The following GCNT4 variants were observed in gnomAD, a reference collection of about 807,000 sequenced individuals.
The protein encoded by GCNT4 is glucosaminyl (N-acetyl) transferase 4.
Under a neutral mutation model 31.3 loss-of-function variants are expected in GCNT4, and 17 were observed. The observed-to-expected ratio is 0.54, with a 90% confidence interval of 0.37 to 0.81. The LOEUF is 0.81. GCNT4 is among the 40% of genes least tolerant of loss of function. GCNT4 has a pLI of 0.00. For synonymous variants in GCNT4, 158 were observed against 190.6 expected, an observed-to-expected ratio of 0.83 and a Z score of 1.41; for missense variants, 503 against 525.5, an observed-to-expected ratio of 0.96 and a Z score of 0.42.
intron 3 of GCNT4, among the ~76,000 whole-genome samples, chr5:75,039,284 G>A (rs1392196851): frequency 2.0e-5 from 3 of 152,048 alleles, no homozygotes; most frequent in Non-Finnish European, 4.4e-5. Context: ...GTCGAGACGG[G>A]GGTTTCACTA....
chr5:75,032,863 C>T (rs948785696), intron 3 of GCNT4, among the ~76,000 whole-genome samples: 1 of 116,354 alleles, frequency 8.6e-6, no homozygotes, highest in Non-Finnish European at 2.0e-5. Flanking sequence ...CTAATCAATC[C>T]CAAATAGGGG....
At chr5:75,053,001 C>A (rs111723833), upstream of GCNT4, among the ~76,000 whole-genome samples, 1 of 151,966 alleles carries the variant, frequency 6.6e-6, no homozygotes, top group African/African-American at 2.4e-5. Context: ...CGGGAAAGCC[C>A]GGCGCCGGCG....
Position 75,026,979 on chromosome 5 carries a change from A to G in GCNT4, c.*1697T>C, listed in dbSNP as rs1457964840. On this transcript the variant is annotated 3_prime_UTR_variant, in exon 4 of 4. Coordinates refer to ENST00000652361, the MANE Select transcript of GCNT4 (RefSeq NM_001366737.1). ...AGTTAGTATTATGAACTTTAAAATG[A>G]GCAAAGTGCATTTCACATTTAGAAC... is the stretch of plus-strand genomic sequence containing the variant. 6.6e-6 allele frequency: 1 copy of G among 152,078 alleles called. No individual in the cohort carries two copies. Among genetic ancestry groups the G allele is most frequent in the African/African-American group, 2.4e-5 (1 of 41,414 alleles). 9.4% of individuals were successfully genotyped at this position (152,078 alleles called of 1,614,324 possible). A position where few individuals can be genotyped will look rare whatever the true frequency, so the allele number is the denominator to read the frequency against.
chr5:75,054,052 ACGAGGAGTGTCCCACGCAGCCG>A (rs1300700820), upstream of GCNT4, among the ~76,000 whole-genome samples: 27 of 147,480 alleles, frequency 1.8e-4, no homozygotes, highest in Non-Finnish European at 3.4e-4. Context: ...CATGGGTGAG[ACGAGGAGTGTCCCACGCAGCCG>A]CGAGAAATAT....
At chr5:75,034,297 G>T (rs1743149521) in intron 3 of GCNT4, among the ~76,000 whole-genome samples, 1 of 152,222 alleles carries the variant, frequency 6.6e-6, no homozygotes, top group Non-Finnish European at 1.5e-5. Flanking sequence ...GCTCTGCAGG[G>T]GGTACACCCC....
chr5:75,040,052 C>CA (rs1743285716), intron 3 of GCNT4, among the ~76,000 whole-genome samples: 1 of 152,164 alleles, frequency 6.6e-6, no homozygotes, highest in South Asian at 2.1e-4. Context: ...GTTCCTAGAA[C>CA]ATCCTAGTCT....
downstream of GCNT4, among the ~76,000 whole-genome samples, chr5:75,020,793 TA>T (rs1272925106): frequency 1.3e-5 from 2 of 152,168 alleles, no homozygotes; most frequent in Non-Finnish European, 2.9e-5. Flanking sequence ...TATTAACAAG[TA>T]AAATAATTTG....
chr5:75,051,283 G>C (rs1442022741), intron 2 of GCNT4, among the ~76,000 whole-genome samples: 3 of 152,250 alleles, frequency 2.0e-5, no homozygotes, highest in Non-Finnish European at 4.4e-5. Context: ...CAGCACATCT[G>C]CGCCTCACAG....
chr5:75,041,424 T>A (rs1743316596), intron 3 of GCNT4, among the ~76,000 whole-genome samples: 1 of 152,228 alleles, frequency 6.6e-6, no homozygotes, highest in Non-Finnish European at 1.5e-5. Flanking sequence ...AACGTCATCA[T>A]CTTCCCTGAA....
At chr5:75,053,730 C>A (rs1024676642), upstream of GCNT4, among the ~76,000 whole-genome samples, 2 of 152,080 alleles carry the variant, frequency 1.3e-5, no homozygotes, top group African/African-American at 4.8e-5. Flanking sequence ...AGGAGCGCCT[C>A]CGCGCTCCCG....
rs148881849 is a variant in GCNT4 at position 75,043,115 on chromosome 5, G to A, written c.-2+4782C>T. Among the ~76,000 whole-genome samples, 12 of 152,288 alleles carry A rather than the reference G, an allele frequency of 7.9e-5. No homozygotes were observed. The East Asian group carries it at 1.2e-3, about 15-fold the overall frequency. ...TAAGTTAACAGGTCTTTCTCAATAC[G>A]TAGGTTTTATTTCAGGTTAATAAAA... On this transcript the variant is annotated intron_variant, in intron 3 of 3. Coordinates refer to ENST00000652361, the MANE Select transcript of GCNT4 (RefSeq NM_001366737.1).
At chr5:75,018,819 A>G in the GCNT4 span, among the ~76,000 whole-genome samples, 8 of 152,182 alleles carry the variant, frequency 5.3e-5, no homozygotes. Flanking sequence ...AGGAATGAAC[A>G]TTAGGAGTAA....
intron 3 of GCNT4, among the ~76,000 whole-genome samples, chr5:75,047,039 C>T (rs190566530): frequency 3.9e-5 from 6 of 152,324 alleles, no homozygotes; most frequent in Admixed American, 3.3e-4. Flanking sequence ...CAGTTAACTA[C>T]CCTAGCCCAG....
intron 2 of GCNT4, 62 bp from the exon 3 acceptor site, chr5:75,048,099 G>T (rs761797797): frequency 2.0e-5 from 3 of 152,198 alleles, no homozygotes; most frequent in Non-Finnish European, 2.9e-5. Flanking sequence ...TGCAAACAAT[G>T]ATTGCACTGA....
chr5:75,036,997 G>A (rs1743213645), intron 3 of GCNT4, among the ~76,000 whole-genome samples: 1 of 152,186 alleles, frequency 6.6e-6, no homozygotes, highest in Non-Finnish European at 1.5e-5. Context: ...CTTAAACTTT[G>A]TATTATTACA....
Position 75,029,326 on chromosome 5 carries a change from C to A in GCNT4, c.712G>T (p.Glu238Ter). The stretch of plus-strand genomic sequence containing the variant: ...AGTTTTTTCAACTCTGACACCAATT[C>A]AAAATTTGACTTCAGGGGAAAATCT... Reference protein sequence around the residue: ...GQDFPLKSNFELVSELKKLNG... With the variant: ...GQDFPLKSNF The change falls in exon 4 of 4, where the codon GAA (glutamate) becomes TAA (stop). Residue 238 changes from glutamate (E) to a stop codon, truncating the protein, a stop_gained. Transcript: ENST00000652361. LOFTEE classifies it high-confidence loss of function. 6.2e-7 allele frequency: 1 copy of A among 1,614,096 alleles called. No homozygotes were observed. The highest frequency in any genetic ancestry group is 8.5e-7 in the Non-Finnish European group (1 of 1,179,996).
chr5:75,045,429 G>A (rs964456781), intron 3 of GCNT4, among the ~76,000 whole-genome samples: 9 of 152,024 alleles, frequency 5.9e-5, no homozygotes, highest in African/African-American at 9.7e-5. Context: ...ATGTCTTCGA[G>A]GTTCATCCAT....
chr5:75,033,330 GC>G (rs1480620624), intron 3 of GCNT4, among the ~76,000 whole-genome samples: 1 of 152,166 alleles, frequency 6.6e-6, no homozygotes, highest in Non-Finnish European at 1.5e-5. Flanking sequence ...ATGGTTGCCT[GC>G]CCAGACATAG....
At chr5:75,039,568 C>A (rs1743273132) in intron 3 of GCNT4, among the ~76,000 whole-genome samples, 1 of 152,180 alleles carries the variant, frequency 6.6e-6, no homozygotes, top group African/African-American at 2.4e-5. Flanking sequence ...GGATTTTCAA[C>A]CATGGTCCAA....
Sources: allele counts gnomAD v4.1 joint callset (sites outside exome capture counted in the v4.1 genomes callset), GRCh38; gene constraint gnomAD v4.1.1; transcripts MANE v1.5; gene names NCBI Gene and HGNC (gene_info 2026-07-23, HGNC 2026-07-21).